PPDPFL: variants seen among roughly 807,000 people sequenced by gnomAD.
The protein encoded by PPDPFL is pancreatic progenitor cell differentiation and proliferation factor like, also known as pancreatic progenitor cell differentiation and proliferation factor-like protein.
A neutral mutation model predicts 12.6 loss-of-function variants in PPDPFL; 12 were observed. That is an observed-to-expected ratio of 0.95 (90% CI 0.61 to 1.54). PPDPFL has a LOEUF of 1.54. Among genes scored for constraint, PPDPFL ranks in the 40% most tolerant of loss-of-function variants. The pLI, the probability that PPDPFL is intolerant of heterozygous loss-of-function variation, is 0.00. For synonymous variants in PPDPFL, 24 were observed against 32.7 expected (o/e 0.73, Z 0.91); for missense variants, 114 against 96.0 (o/e 1.19, Z -0.78).
intron 4 of PPDPFL, 188 bp downstream of exon 4, chr8:49,074,521 G>A: frequency 1.3e-6 from 2 of 1,537,392 alleles, no homozygotes; most frequent in Non-Finnish European, 1.7e-6. Flanking sequence ...TCGCTGTCAG[G>A]AAGATCATAG....
Position 49,075,399 on chromosome 8 carries a change from G to C in PPDPFL, c.*226G>C, listed in dbSNP as rs1234797238. 2.2e-6 allele frequency: 2 copies of C among 915,424 alleles called. No individual in the cohort carries two copies. The highest frequency in any genetic ancestry group is 3.5e-6 in the Non-Finnish European group (2 of 574,094). The allele number at this position is 915,424 out of a possible 1,614,324, so 56.7% of individuals were successfully genotyped here. ...ATGAGACAAGATCACAGCAGCCACT[G>C]ATATAAAAAAAGTTTAGGCATTTTT... On this transcript the variant is annotated 3_prime_UTR_variant, in exon 5 of 5. Coordinates refer to ENST00000522267, the MANE Select transcript of PPDPFL (RefSeq NM_001256597.2).
intron 1 of PPDPFL, among the ~76,000 whole-genome samples, chr8:49,057,446 T>G (rs982524234): frequency 6.6e-6 from 1 of 152,176 alleles, no homozygotes; most frequent in Admixed American, 6.5e-5. Context: ...TATTTACTTT[T>G]TAAATGAATT....
At chr8:49,074,785 CA>C in intron 4 of PPDPFL, 9 of 1,431,776 alleles carry the variant, frequency 6.3e-6, no homozygotes, top group Non-Finnish European at 7.3e-6. Flanking sequence ...CAGTTGTTTT[CA>C]GACATTTTGA....
intron 1 of PPDPFL, among the ~76,000 whole-genome samples, chr8:49,066,146 G>C (rs1343968974): frequency 6.6e-6 from 1 of 152,228 alleles, no homozygotes; most frequent in East Asian, 1.9e-4. Context: ...CATATTCCCT[G>C]TTGCAAGGGA....
chr8:49,069,471 T>C (rs540070920), upstream of PPDPFL, among the ~76,000 whole-genome samples: 1 of 152,322 alleles, frequency 6.6e-6, no homozygotes, highest in South Asian at 2.1e-4. Flanking sequence ...AATTAAAAGA[T>C]AGCACTTAGA....
chr8:49,055,494 G>A (rs1215281705), intron 1 of PPDPFL, among the ~76,000 whole-genome samples: 3 of 152,064 alleles, frequency 2.0e-5, no homozygotes, highest in African/African-American at 7.2e-5. Context: ...TGTGTTCTTT[G>A]CTGGTCTCTA....
At chr8:49,061,124 C>T (rs1267246669) in intron 1 of PPDPFL, among the ~76,000 whole-genome samples, 2 of 152,030 alleles carry the variant, frequency 1.3e-5, no homozygotes, top group Admixed American at 1.3e-4. Flanking sequence ...CAAGCTCAAG[C>T]AGGATGGCAT....
intron 1 of PPDPFL, among the ~76,000 whole-genome samples, chr8:49,067,041 T>C (rs1203655900): frequency 1.3e-5 from 2 of 152,318 alleles, no homozygotes; most frequent in East Asian, 3.9e-4. Context: ...CTAGATGAGA[T>C]TGGTTTCTGT....
upstream of PPDPFL, among the ~76,000 whole-genome samples, chr8:49,070,214 G>C (rs1006874757): frequency 3.3e-5 from 5 of 152,252 alleles, no homozygotes; most frequent in African/African-American, 7.2e-5. Flanking sequence ...GACACATCGA[G>C]GGGCACAACA....
chr8:49,069,731 T>C (rs1050659517), upstream of PPDPFL, among the ~76,000 whole-genome samples: 1 of 152,186 alleles, frequency 6.6e-6, no homozygotes, highest in African/African-American at 2.4e-5. Context: ...GGTCAGGAGC[T>C]GGAGACCATC....
upstream of PPDPFL, among the ~76,000 whole-genome samples, chr8:49,071,288 G>A (rs189415284): frequency 2.0e-3 from 311 of 152,232 alleles, no homozygotes; most frequent in Non-Finnish European, 3.7e-3. Context: ...TGAACAAATC[G>A]AATCAGCAAT....
In PPDPFL at chr8:49,075,295, C is replaced by T. The variant is rs778475258; in HGVS notation, c.*122C>T. 2 of 1,606,150 alleles carry T rather than the reference C, an allele frequency of 1.2e-6. No homozygotes were observed. Among genetic ancestry groups the T allele is most frequent in the Middle Eastern group, 1.7e-4 (1 of 6,040 alleles). The stretch of plus-strand genomic sequence containing the variant: ...CCTGCTGCAGTGGTCCATACATGAA[C>T]AGCTCCCCTTCAGCGCCCCAGCTAT... On this transcript the variant is annotated 3_prime_UTR_variant, in exon 5 of 5. Coordinates refer to ENST00000522267, the MANE Select transcript of PPDPFL (RefSeq NM_001256597.2).
intron 2 of PPDPFL, 42 bp downstream of exon 2, chr8:49,072,927 T>C: frequency 6.6e-7 from 1 of 1,511,460 alleles, no homozygotes; most frequent in Non-Finnish European, 9.1e-7. Context: ...ATAATATGAT[T>C]TGAGGTGATG....
intron 1 of PPDPFL, among the ~76,000 whole-genome samples, chr8:49,060,783 T>A (rs979600281): frequency 2.6e-5 from 4 of 152,152 alleles, no homozygotes; most frequent in Admixed American, 2.6e-4. Flanking sequence ...ATTGGCGTAA[T>A]GGAAGATATT....
chr8:49,066,146 G>T (rs1343968974), intron 1 of PPDPFL, among the ~76,000 whole-genome samples: 1 of 152,228 alleles, frequency 6.6e-6, no homozygotes, highest in Non-Finnish European at 1.5e-5. Flanking sequence ...CATATTCCCT[G>T]TTGCAAGGGA....
At chr8:49,064,673 T>C (rs1585672661) in intron 1 of PPDPFL, among the ~76,000 whole-genome samples, 1 of 152,072 alleles carries the variant, frequency 6.6e-6, no homozygotes, top group Non-Finnish European at 1.5e-5. Context: ...TTAATAAAAC[T>C]GTGGGCAAAT....
In PPDPFL at chr8:49,075,370, A is replaced by C; in HGVS notation, c.*197A>C. On this transcript the variant is annotated 3_prime_UTR_variant, in exon 5 of 5. Coordinates refer to ENST00000522267, the MANE Select transcript of PPDPFL (RefSeq NM_001256597.2). ...AAGACAGAAATGTGTCTGAGATCTC[A>C]TTTATGAGACAAGATCACAGCAGCC... 8.9e-7 allele frequency: 1 copy of C among 1,118,242 alleles called. No individual in the cohort carries two copies. The highest frequency in any genetic ancestry group is 1.4e-6 in the Non-Finnish European group (1 of 735,972). The allele number at this position is 1,118,242 out of a possible 1,614,324, so 69.3% of individuals were successfully genotyped here.
At chr8:49,068,758 C>A (rs1808337161), upstream of PPDPFL, among the ~76,000 whole-genome samples, 1 of 152,006 alleles carries the variant, frequency 6.6e-6, no homozygotes, top group East Asian at 1.9e-4. Context: ...GCAGTACAGA[C>A]AATAAAGGAT....
At chr8:49,067,438 A>G (rs763894711), upstream of PPDPFL, among the ~76,000 whole-genome samples, 3 of 152,258 alleles carry the variant, frequency 2.0e-5, no homozygotes, top group Non-Finnish European at 4.4e-5. Flanking sequence ...CAGATATTTT[A>G]TAACCGCAGA....
Sources: gnomAD v4.1 joint callset for allele counts (sites outside exome capture counted in the v4.1 genomes callset) on GRCh38, gnomAD v4.1.1 for gene constraint, MANE v1.5 for transcripts, NCBI Gene and HGNC (gene_info 2026-07-23, HGNC 2026-07-21) for gene names.